The following EVPL variants were observed in gnomAD, a reference collection of about 807,000 sequenced individuals.
The protein encoded by EVPL is 210 kDa cornified envelope precursor protein.
A neutral mutation model predicts 129.7 loss-of-function variants in EVPL; 94 were observed. The observed-to-expected ratio is 0.72, with a 90% CI of 0.61 to 0.86. EVPL has a LOEUF of 0.86. Among genes scored for constraint, EVPL ranks in the 40% least tolerant of loss-of-function variants. The pLI is 0.00. For synonymous variants in EVPL, 1,172 were observed against 1,191.1 expected (o/e 0.98, Z 0.33); for missense variants, 2,625 against 2,721.1 (o/e 0.96, Z 0.79).
chr17:76,015,545 G>A lies in EVPL; in HGVS notation c.1794C>T (p.Pro598=), dbSNP rs762320926. ...KECEAFLSTR[P]VGPAALQLPV... Reference sequence around the variant, plus strand: ...GCAGCTGCAGGGCAGCGGGGCCCACGGGCCGCGTGGACAGAAACGCCTCGC... The same window carrying A: ...GCAGCTGCAGGGCAGCGGGGCCCACAGGCCGCGTGGACAGAAACGCCTCGC... The change falls in exon 15 of 22, where the codon CCC becomes CCT. Residue 598 remains proline (P), a synonymous_variant. Coordinates refer to ENST00000301607, the MANE Select transcript of EVPL (RefSeq NM_001988.4). 9.3e-6 allele frequency: 15 copies of A among 1,612,828 alleles called. No homozygotes were observed. The highest frequency in any genetic ancestry group is 3.3e-5 in the Admixed American group (2 of 60,004).
intron 3 of EVPL, 25 bp from the exon 4 acceptor site, chr17:76,023,443 C>G: frequency 6.2e-7 from 1 of 1,613,168 alleles, no homozygotes; most frequent in Non-Finnish European, 8.5e-7. Flanking sequence ...GCCGGCAGGT[C>G]AGGGCTGGAC....
Position 76,022,669 on chromosome 17 carries a change from G to A in EVPL, c.481-131C>T. The A allele has an allele frequency of 7.9e-7, 1 of 1,268,842 alleles. No homozygotes were observed. Among genetic ancestry groups the A allele is most frequent in the East Asian group, 2.5e-5 (1 of 39,242 alleles). 78.6% of individuals were successfully genotyped at this position (1,268,842 alleles called of 1,614,324 possible). On this transcript the variant is annotated intron_variant, in intron 4 of 21. Coordinates refer to ENST00000301607, the MANE Select transcript of EVPL (RefSeq NM_001988.4). This position sits in a 1 kb window ranked among gnomAD's most constrained non-coding sequence, Gnocchi z 5.6. ...GTGGACGAGCCTGGGAGCAGCCCGGGTGCATGCCCTGCAGCTCCCCCAGGG... is the reference window on the plus strand; with the variant it reads ...GTGGACGAGCCTGGGAGCAGCCCGGATGCATGCCCTGCAGCTCCCCCAGGG...
At position 76,014,470 on chromosome 17, in the gene EVPL, TG is replaced by T; in HGVS notation, c.2328del (p.Ser777AlafsTer17). 1 of 1,611,952 alleles carries T rather than the reference TG, an allele frequency of 6.2e-7. No homozygotes were observed. The highest frequency in any genetic ancestry group is 8.5e-7 in the Non-Finnish European group (1 of 1,179,464). ...LEHLPRSQVRPSDGPSQIAYK... is the reference protein window; with the variant it reads ...LEHLPRSQVRXSDGPSQIAYK... ...TAGGCGATCTGGCTGGGGCCGTCGC[TG>T]GGCCGCACCTGGCTGCGGGGCAGGT... On this transcript the variant is annotated frameshift_variant, in exon 18 of 22. Coordinates refer to ENST00000301607, the MANE Select transcript of EVPL (RefSeq NM_001988.4). LOFTEE classifies it high-confidence loss of function.
intron 18 of EVPL, chr17:76,012,389 G>A (rs1201083473): frequency 3.4e-6 from 1 of 294,676 alleles, no homozygotes; most frequent in Admixed American, 4.8e-5. Flanking sequence ...CAGCCTCCTG[G>A]GTTCAAGCGA....
At chr17:76,012,304 T>C (rs2066383614) in intron 18 of EVPL, 1 of 463,366 alleles carries the variant, frequency 2.2e-6, no homozygotes, top group African/African-American at 3.4e-5. Context: ...AGAATCCCTT[T>C]CTTTCCTTTT....
In EVPL at chr17:76,010,268, C is replaced by T. The variant is rs2066366223; in HGVS notation, c.2937G>A (p.Val979=). 1.9e-6 allele frequency: 3 copies of T among 1,614,034 alleles called. No individual in the cohort carries two copies. The highest frequency in any genetic ancestry group is 3.3e-4 in the Middle Eastern group (2 of 6,062). Residue 979 remains valine (V), a synonymous_variant, in exon 22 of 22, where the codon GTG becomes GTA. Transcript: ENST00000301607. ...EGSLSRVKAQ[V]EEEGKRRAGL... is the part of the protein sequence containing the mutation. ...CAGCCCGCCGCTTGCCCTCCTCCTC[C>T]ACCTGGGCCTTCACCCTGGACAGGC...
chr17:76,019,479 G>T, intron 10 of EVPL, 49 bp downstream of exon 10: 1 of 1,519,910 alleles, frequency 6.6e-7, no homozygotes, highest in South Asian at 1.3e-5. Flanking sequence ...AAATGGACAG[G>T]ACCAATTCCC....
At chr17:76,021,379 AG>A (rs1453896171) in intron 9 of EVPL, 88 bp downstream of exon 9, 1 of 1,245,808 alleles carries the variant, frequency 8.0e-7, no homozygotes, top group Non-Finnish European at 1.1e-6. Context: ...TGGGAGGTGC[AG>A]TGCCTCTCCT....
At chr17:76,012,808 T>C (rs2066388410) in intron 18 of EVPL, among the ~76,000 whole-genome samples, 1 of 149,104 alleles carries the variant, frequency 6.7e-6, no homozygotes, top group Non-Finnish European at 1.5e-5. Context: ...GCAGTGGCGC[T>C]ATCCGGACTC....
Position 76,011,784 on chromosome 17 carries a change from G to C in EVPL, c.2556C>G (p.Ser852Arg), listed in dbSNP as rs141134319. 3.7e-4 allele frequency: 602 copies of C among 1,612,100 alleles called. 2 individuals are homozygous for C. The highest frequency in any genetic ancestry group is 3.0e-3 in the African/African-American group (223 of 74,912). The change falls in exon 20 of 22, where the codon AGC (serine) becomes AGG (arginine). Residue 852 changes from serine (S) to arginine (R), a missense_variant. Around this residue, in one of 4 missense-constraint regions of EVPL, gnomAD observed 1,024 missense variants for 997.5 expected, o/e 1.03. Coordinates refer to ENST00000301607, the MANE Select transcript of EVPL (RefSeq NM_001988.4). ...GGTCCCATCTCACCTGGGCTTGGAT[G>C]CTCTCTTGCAGGGGAGCCACTCGGG... ...KRPRVAPLQE[S>R]IQAQEKNLAK... is the part of the protein sequence containing the mutation.
Position 76,015,053 on chromosome 17 carries a change from C to G in EVPL, c.2085G>C (p.Ala695=), listed in dbSNP as rs761006934. The part of the protein sequence containing the change: ...QQTCVLRLHR[A]LKASEHACAA... Reference sequence around the variant, plus strand: ...CGCATGCGTGCTCCGAGGCCTTCAGCGCGCGGTGTAGCCGCAGCACGCAGG... The same window carrying G: ...CGCATGCGTGCTCCGAGGCCTTCAGGGCGCGGTGTAGCCGCAGCACGCAGG... The change falls in exon 17 of 22, where the codon GCG becomes GCC. Residue 695 remains alanine, a synonymous_variant. Coordinates refer to ENST00000301607, the MANE Select transcript of EVPL (RefSeq NM_001988.4). The G allele has an allele frequency of 1.3e-6, 2 of 1,588,244 alleles. No homozygotes were observed. The highest frequency in any genetic ancestry group is 4.5e-5 in the East Asian group (2 of 44,478).
At chr17:76,018,650 CA>C in intron 11 of EVPL, 50 bp from the exon 12 acceptor site, 1 of 1,551,496 alleles carries the variant, frequency 6.4e-7, no homozygotes, top group Non-Finnish European at 8.7e-7. Context: ...GGCAGGGGGC[CA>C]AGGCCAGGGC....
chr17:76,022,397 C>T lies in EVPL; in HGVS notation c.606+16G>A, dbSNP rs200362032. ...TGGGGCTGGCCCCGGATGTGACATCCTCCAGGCTCACCTACCGGCCCCACG... is the reference window on the plus strand; with the variant it reads ...TGGGGCTGGCCCCGGATGTGACATCTTCCAGGCTCACCTACCGGCCCCACG... On this transcript the variant is annotated intron_variant, in intron 5 of 21. Transcript: ENST00000301607. The surrounding 1 kb of genome is among the most constrained non-coding windows in gnomAD (Gnocchi z 5.6). The T allele has an allele frequency of 3.2e-5, 52 of 1,613,256 alleles. No individual in the cohort carries two copies. The highest frequency in any genetic ancestry group is 1.6e-4 in the Middle Eastern group (1 of 6,082).
intron 18 of EVPL, among the ~76,000 whole-genome samples, chr17:76,014,223 G>A (rs2066399281): frequency 6.6e-6 from 1 of 152,244 alleles, no homozygotes; most frequent in Non-Finnish European, 1.5e-5. Flanking sequence ...TGTGGCCTGA[G>A]CTTGTAAATC....
intron 21 of EVPL, 111 bp downstream of exon 21, chr17:76,011,465 G>C (rs2066375704): frequency 2.1e-6 from 2 of 958,708 alleles, no homozygotes; most frequent in Admixed American, 1.7e-5. Flanking sequence ...AGGCAGGAGG[G>C]AGAGGAGGGA....
Position 76,010,465 on chromosome 17 carries a change from ACT to A in EVPL, c.2738_2739del (p.Glu913ValfsTer21). Reference sequence around the variant, plus strand: ...TCCAGCTGGGCCTTCAGGGCCTCTGACTCTCTCCCTGCTTGGGCAGGGCTCTC... The same window carrying A: ...TCCAGCTGGGCCTTCAGGGCCTCTGACTCTCCCTGCTTGGGCAGGGCTCTC... ...GSESPAQAGR[E>X]SEALKAQLEE... On this transcript the variant is annotated frameshift_variant, in exon 22 of 22. Transcript: ENST00000301607. LOFTEE classifies it low-confidence loss of function (END_TRUNC). 6.2e-7 allele frequency: 1 copy of A among 1,613,100 alleles called. No individual in the cohort carries two copies. The highest frequency in any genetic ancestry group is 1.7e-5 in the Admixed American group (1 of 59,956).
In EVPL at chr17:76,015,309, C is replaced by T. The variant is rs530566450; in HGVS notation, c.1946G>A (p.Arg649Gln). ...CTGCACCAGGGTGGCCTCGAAGCCT[C>T]GGATGACCCTGTCCGCATCCTGGAT... ...RQIQDADRVI[R>Q]GFEATLVQEA... The change falls in exon 16 of 22, where the codon CGA (arginine) becomes CAA (glutamine). Residue 649 changes from arginine to glutamine, a missense_variant. Coordinates refer to ENST00000301607, the MANE Select transcript of EVPL (RefSeq NM_001988.4). 2 of 1,603,048 alleles carry T rather than the reference C, an allele frequency of 1.2e-6. No individual in the cohort carries two copies. The highest frequency in any genetic ancestry group is 1.7e-5 in the Admixed American group (1 of 59,642).
chr17:76,024,261 C>T lies in EVPL; in HGVS notation c.99-141G>A, dbSNP rs1346352936. On this transcript the variant is annotated intron_variant, in intron 1 of 21. Transcript: ENST00000301607. The surrounding 1 kb of genome is among the most constrained non-coding windows in gnomAD (Gnocchi z 4.5). ...GCCCTGACTTTGGGGTCTCTCTCTG[C>T]AGAAGGCTCTGTGAGCTAGTCCTGG... 5.2e-6 allele frequency: 4 copies of T among 762,812 alleles called. No individual in the cohort carries two copies. The Admixed American group carries it at 6.7e-5, about 13-fold the overall frequency. The allele number at this position is 762,812 out of a possible 1,614,324, so 47.3% of individuals were successfully genotyped here. A position where few individuals can be genotyped will look rare whatever the true frequency, so the allele number is the denominator to read the frequency against.
Position 76,010,472 on chromosome 17 carries a change from C to G in EVPL, c.2733G>C (p.Gly911=). 7 of 1,613,952 alleles carry G rather than the reference C, an allele frequency of 4.3e-6. No homozygotes were observed. Among genetic ancestry groups the G allele is most frequent in the Non-Finnish European group, 5.9e-6 (7 of 1,179,920 alleles). The stretch of plus-strand genomic sequence containing the variant: ...GGGCCTTCAGGGCCTCTGACTCTCT[C>G]CCTGCTTGGGCAGGGCTCTCGGAGC... ...KQGSESPAQA[G]RESEALKAQL... Residue 911 remains glycine (G), a synonymous_variant, in exon 22 of 22, where the codon GGG becomes GGC. Transcript: ENST00000301607.
Sources: gnomAD v4.1 joint callset for allele counts (sites outside exome capture counted in the v4.1 genomes callset) on GRCh38, gnomAD v4.1.1 for gene constraint, gnomAD v4.1.1 regional missense constraint, Gnocchi (gnomAD v3.1) non-coding constraint, MANE v1.5 for transcripts, NCBI Gene and HGNC (gene_info 2026-07-23, HGNC 2026-07-21) for gene names.